IMMP2L: variants seen among roughly 807,000 people sequenced by gnomAD.
IMMP2L encodes the protein inner mitochondrial membrane peptidase subunit 2.
A neutral mutation model predicts 19.3 loss-of-function variants in IMMP2L; 18 were observed. The ratio of observed to expected loss-of-function variants is 0.93; its 90% confidence interval spans 0.64 to 1.38. The LOEUF is 1.38. Among genes scored for constraint, IMMP2L ranks in the 40% most tolerant of loss-of-function variants. IMMP2L has a pLI of 0.00. For missense variants in IMMP2L, 233 were observed against 218.2 expected (o/e 1.07, Z -0.43); for synonymous variants, 76 against 73.0 (o/e 1.04, Z -0.21).
chr7:110,730,104 T>C (rs569878001), intron 5 of IMMP2L, among the ~76,000 whole-genome samples: 1 of 152,134 alleles, frequency 6.6e-6, no homozygotes, highest in South Asian at 2.1e-4. Flanking sequence ...GTTAAGAGTA[T>C]TGTGATGGCT....
chr7:111,344,392 T>C (rs559738716), intron 3 of IMMP2L, among the ~76,000 whole-genome samples: 1 of 152,328 alleles, frequency 6.6e-6, no homozygotes, highest in South Asian at 2.1e-4. Flanking sequence ...AGTTTCAATG[T>C]AATACCTCTT....
chr7:111,370,357 G>A (rs1312627738), intron 3 of IMMP2L, among the ~76,000 whole-genome samples: 1 of 151,926 alleles, frequency 6.6e-6, no homozygotes, highest in Non-Finnish European at 1.5e-5. Flanking sequence ...GATATTGAAT[G>A]TGTTCATTTA....
intron 3 of IMMP2L, among the ~76,000 whole-genome samples, chr7:111,235,308 C>T (rs1814165661): frequency 6.6e-6 from 1 of 151,906 alleles, no homozygotes; most frequent in Non-Finnish European, 1.5e-5. Context: ...CCAGTCTCTA[C>T]TAAAAATACT....
chr7:110,953,231 T>C lies in IMMP2L; in HGVS notation c.305+10269A>G, dbSNP rs114978584. 8.2e-3 allele frequency among the ~76,000 whole-genome samples: 1,253 copies of C among 152,252 alleles called. 21 individuals are homozygous for C. The highest frequency in any genetic ancestry group is 0.028 in the African/African-American group (1,176 of 41,544). On this transcript the variant is annotated intron_variant, in intron 4 of 5. Coordinates refer to ENST00000405709, the MANE Select transcript of IMMP2L (RefSeq NM_032549.4). The stretch of plus-strand genomic sequence containing the variant: ...GTGCTGAATGGGCAGTTTTGTTACA[T>C]AGGTATATACATGCCATGGTGGTTT...
rs796482482 is a variant in IMMP2L at position 111,429,253 on chromosome 7, G to C, written c.239+57985C>G. ...TACACACATGTGGGGCCTGGGGAAG[G>C]GGGTAAGCATGCCTATAGGCATCAA... On this transcript the variant is annotated intron_variant, in intron 3 of 5. Transcript: ENST00000405709. 5.3e-5 allele frequency among the ~76,000 whole-genome samples: 8 copies of C among 151,936 alleles called. No individual in the cohort carries two copies. The East Asian group carries it at 5.8e-4, about 11-fold the overall frequency.
intron 1 of IMMP2L, among the ~76,000 whole-genome samples, chr7:111,544,975 CCT>C (rs1274166229): frequency 2.0e-5 from 3 of 151,952 alleles, no homozygotes; most frequent in Non-Finnish European, 4.4e-5. Flanking sequence ...AAACCCCAAT[CCT>C]CTCTCTTACA....
At chr7:111,429,552 TA>T (rs111425235) in intron 3 of IMMP2L, among the ~76,000 whole-genome samples, 6,013 of 147,746 alleles carry the variant, frequency 0.041, 544 homozygotes, top group African/African-American at 0.14. Flanking sequence ...AAGTTAGCTT[TA>T]AAAAAAAAAA....
rs10253542 is a variant in IMMP2L at position 110,915,257 on chromosome 7, G to A, written c.306-28562C>T. Among the ~76,000 whole-genome samples, 1,491 of 152,122 alleles carry A rather than the reference G, an allele frequency of 9.8e-3. 19 individuals are homozygous for A. Among genetic ancestry groups the A allele is most frequent in the African/African-American group, 0.033 (1,378 of 41,510 alleles). On this transcript the variant is annotated intron_variant, in intron 4 of 5. Transcript: ENST00000405709. ...CTCATGTGCACGCGCGTGCGTGCAC[G>A]CACACACACACAAATATTATTCAGC...
chr7:110,750,371 G>A (rs1797645708), intron 5 of IMMP2L, among the ~76,000 whole-genome samples: 1 of 151,998 alleles, frequency 6.6e-6, no homozygotes, highest in East Asian at 1.9e-4. Flanking sequence ...ATAATTCTGA[G>A]AAGCATTGAA....
chr7:111,026,347 T>C (rs1402253463), intron 3 of IMMP2L, among the ~76,000 whole-genome samples: 1 of 152,142 alleles, frequency 6.6e-6, no homozygotes, highest in African/African-American at 2.4e-5. Context: ...AGATGGCGTG[T>C]CACAGAAAAA....
Position 110,813,691 on chromosome 7 carries a change from A to G in IMMP2L, c.408+72902T>C, listed in dbSNP as rs1201012992. On this transcript the variant is annotated intron_variant, in intron 5 of 5. Transcript: ENST00000405709. Reference sequence around the variant, plus strand: ...TGTTAACTGTAGATAAAAATAAGAAAGCTAAGAAGTATAATTATGAAGAGA... The same window carrying G: ...TGTTAACTGTAGATAAAAATAAGAAGGCTAAGAAGTATAATTATGAAGAGA... Among the ~76,000 whole-genome samples, 3 of 151,966 alleles carry G rather than the reference A, an allele frequency of 2.0e-5. No individual in the cohort carries two copies. The East Asian group carries it at 5.8e-4, about 29-fold the overall frequency.
chr7:111,073,288 GGA>G (rs952746328), intron 3 of IMMP2L, among the ~76,000 whole-genome samples: 1 of 152,062 alleles, frequency 6.6e-6, no homozygotes, highest in Non-Finnish European at 1.5e-5. Context: ...AGAGAGAGGA[GGA>G]GAGAGAGCAA....
intron 5 of IMMP2L, among the ~76,000 whole-genome samples, chr7:110,679,021 C>T (rs566581095): frequency 7.8e-4 from 118 of 152,218 alleles, no homozygotes; most frequent in African/African-American, 2.8e-3. Flanking sequence ...GTTCAAGACT[C>T]AGCTTTAATC....
chr7:111,305,157 T>C (rs1284773457), intron 3 of IMMP2L, among the ~76,000 whole-genome samples: 1 of 151,082 alleles, frequency 6.6e-6, no homozygotes, highest in Non-Finnish European at 1.5e-5. Context: ...TTAAGAAGAG[T>C]GGGAAGCTGG....
intron 3 of IMMP2L, among the ~76,000 whole-genome samples, chr7:111,044,862 A>T (rs1792242272): frequency 6.6e-6 from 1 of 151,724 alleles, no homozygotes. Context: ...GTAGTTGACA[A>T]CTCTGGAGAC....
intron 5 of IMMP2L, among the ~76,000 whole-genome samples, chr7:110,814,668 T>G (rs1234353899): frequency 6.7e-6 from 1 of 149,158 alleles, no homozygotes; most frequent in Non-Finnish European, 1.5e-5. Flanking sequence ...AGAGTAGAAT[T>G]CTTTTTCAAC....
At chr7:110,893,217 T>C (rs545117334) in intron 4 of IMMP2L, among the ~76,000 whole-genome samples, 11 of 152,152 alleles carry the variant, frequency 7.2e-5, no homozygotes, top group Non-Finnish European at 1.5e-4. Context: ...TGCTAAAAAA[T>C]GCTGACAGAC....
At chr7:111,016,817 T>TATATATA (rs1825686666) in intron 3 of IMMP2L, among the ~76,000 whole-genome samples, 1 of 49,430 alleles carries the variant, frequency 2.0e-5, no homozygotes, top group Non-Finnish European at 4.0e-5. Context: ...TACTATATAT[T>TATATATA]ATATATAATA....
chr7:111,430,162 T>C lies in IMMP2L; in HGVS notation c.239+57076A>G, dbSNP rs555996163. ...CCTATTTGAAATTCTTATTATAATA[T>C]TAAAATTGGGAAAAGAGCAAAATTA... On this transcript the variant is annotated intron_variant, in intron 3 of 5. Transcript: ENST00000405709. 2.0e-5 allele frequency among the ~76,000 whole-genome samples: 3 copies of C among 151,940 alleles called. No homozygotes were observed. The East Asian group carries it at 5.8e-4, about 29-fold the overall frequency.
Sources: gnomAD v4.1 joint callset for allele counts (sites outside exome capture counted in the v4.1 genomes callset) on GRCh38, gnomAD v4.1.1 for gene constraint, MANE v1.5 for transcripts, NCBI Gene and HGNC (gene_info 2026-07-23, HGNC 2026-07-21) for gene names.